Variants in COL26A1 observed in about 807,000 individuals in gnomAD.
COL26A1 encodes collagen alpha-1(XXVI) chain.
Under a neutral mutation model 59.3 loss-of-function variants are expected in COL26A1, and 41 were observed. The ratio of observed to expected loss-of-function variants is 0.69; its 90% CI spans 0.54 to 0.90. COL26A1 has a LOEUF of 0.90. Among genes scored for constraint, COL26A1 ranks in the 40% least tolerant of loss-of-function variants. The pLI is 0.00. For missense variants in COL26A1, 612 were observed against 602.3 expected (o/e 1.02, Z -0.17); for synonymous variants, 266 against 256.0 (o/e 1.04, Z -0.37).
chr7:101,435,030 G>A (rs2130334970), intron 2 of COL26A1, among the ~76,000 whole-genome samples: 1 of 152,272 alleles, frequency 6.6e-6, no homozygotes, highest in East Asian at 1.9e-4. Flanking sequence ...GAGGAGGAAA[G>A]AGCTCTGTTC....
chr7:101,456,246 C>T (rs1793468908), intron 3 of COL26A1, among the ~76,000 whole-genome samples: 1 of 150,454 alleles, frequency 6.6e-6, no homozygotes, highest in Non-Finnish European at 1.5e-5. Flanking sequence ...GGGTTTCATT[C>T]TGTTGCCCAG....
chr7:101,542,769 G>C (rs1338297860), intron 5 of COL26A1, among the ~76,000 whole-genome samples: 1 of 143,668 alleles, frequency 7.0e-6, no homozygotes, highest in Non-Finnish European at 1.5e-5. Flanking sequence ...GGTCTCCTAC[G>C]GGAAGGGGGA....
At chr7:101,525,255 C>G (rs1266715015) in intron 3 of COL26A1, among the ~76,000 whole-genome samples, 1 of 138,006 alleles carries the variant, frequency 7.2e-6, no homozygotes, top group African/African-American at 2.7e-5. Context: ...GATCTCAGCT[C>G]TCTACAACCT....
chr7:101,369,966 G>A (rs1048553875), intron 1 of COL26A1, among the ~76,000 whole-genome samples: 6 of 152,028 alleles, frequency 3.9e-5, no homozygotes, highest in Non-Finnish European at 8.8e-5. Flanking sequence ...AGGTTCAAGC[G>A]ATTCTCCTGC....
chr7:101,443,287 A>G (rs1349247180), intron 2 of COL26A1, among the ~76,000 whole-genome samples: 1 of 152,120 alleles, frequency 6.6e-6, no homozygotes, highest in African/African-American at 2.4e-5. Flanking sequence ...CTCCTGTCCC[A>G]GCTGCACACA....
chr7:101,489,663 TCCTTCCTTCCTTC>T lies in COL26A1; in HGVS notation c.385+41878_385+41890del, dbSNP rs1325906064. 1.3e-3 allele frequency among the ~76,000 whole-genome samples: 68 copies of T among 51,748 alleles called. 12 individuals carry two copies. The highest frequency in any genetic ancestry group is 0.017 in the Middle Eastern group (2 of 116). 33.9% of individuals were successfully genotyped at this position (51,748 alleles called of 152,430 possible). On this transcript the variant is annotated intron_variant, in intron 3 of 12. Transcript: ENST00000313669. ...TTTCTTTCTTTCTTTCTTTCTTTCT[TCCTTCCTTCCTTC>T]CTTCCTTTCTTTCTTTCTTTCTGTC...
At chr7:101,525,171 CTTTTTTTT>C (rs34881584) in intron 3 of COL26A1, among the ~76,000 whole-genome samples, 5 of 73,840 alleles carry the variant, frequency 6.8e-5, no homozygotes, top group Non-Finnish European at 7.2e-5. Flanking sequence ...TGACTTCATT[CTTTTTTTT>C]TTTTTTTTTT....
chr7:101,549,915 C>G (rs1393782216), intron 9 of COL26A1, among the ~76,000 whole-genome samples: 1 of 152,140 alleles, frequency 6.6e-6, no homozygotes, highest in African/African-American at 2.4e-5. Context: ...GGCGGCACCC[C>G]AAGCCTGACT....
At chr7:101,380,202 G>A (rs1791414324) in intron 1 of COL26A1, among the ~76,000 whole-genome samples, 1 of 152,082 alleles carries the variant, frequency 6.6e-6, no homozygotes, top group Admixed American at 6.6e-5. Context: ...ATATTGGCCA[G>A]GCTGGTCTCG....
At chr7:101,428,888 G>C (rs1792709322) in intron 2 of COL26A1, among the ~76,000 whole-genome samples, 1 of 151,348 alleles carries the variant, frequency 6.6e-6, no homozygotes, top group African/African-American at 2.4e-5. Flanking sequence ...TTTTATGTTT[G>C]ATGCAATCTA....
At chr7:101,427,689 A>C (rs1055750661) in intron 2 of COL26A1, among the ~76,000 whole-genome samples, 1 of 150,538 alleles carries the variant, frequency 6.6e-6, no homozygotes, top group Non-Finnish European at 1.5e-5. Context: ...TTTTTGTTTT[A>C]GATATGGGAT....
chr7:101,380,780 A>G (rs902853083), intron 1 of COL26A1, among the ~76,000 whole-genome samples: 1 of 152,156 alleles, frequency 6.6e-6, no homozygotes, highest in Non-Finnish European at 1.5e-5. Context: ...GCCCTTCAGG[A>G]TAATATCAGG....
chr7:101,528,560 C>G (rs1795298248), intron 3 of COL26A1, among the ~76,000 whole-genome samples: 1 of 151,818 alleles, frequency 6.6e-6, no homozygotes, highest in Admixed American at 6.6e-5. Context: ...CCTTCCCCTC[C>G]CCTCTCTGAC....
At chr7:101,476,667 C>T (rs1247402522) in intron 3 of COL26A1, among the ~76,000 whole-genome samples, 1 of 151,666 alleles carries the variant, frequency 6.6e-6, no homozygotes, top group Non-Finnish European at 1.5e-5. Flanking sequence ...CCTGCCTCAG[C>T]CTCCCGAGTA....
In COL26A1 at chr7:101,557,402, C is replaced by A. The variant is rs1255191248; in HGVS notation, c.1198C>A (p.Gln400Lys). ...PLASPEGGSG[Q>K]DAALRANLKM... ...GGCCTCCCCAGAGGGAGGTTCTGGCCAGGATGCTGCCCTGAGAGCCAACCT... is the reference window on the plus strand; with the variant it reads ...GGCCTCCCCAGAGGGAGGTTCTGGCAAGGATGCTGCCCTGAGAGCCAACCT... The change falls in exon 13 of 13, where the codon CAG (glutamine) becomes AAG (lysine). Residue 400 changes from glutamine to lysine, a missense_variant. Gln to Lys is a moderately conservative substitution (Grantham distance 53). Transcript: ENST00000313669. 6.2e-7 allele frequency: 1 copy of A among 1,613,780 alleles called. No individual in the cohort carries two copies. Among genetic ancestry groups the A allele is most frequent in the Non-Finnish European group, 8.5e-7 (1 of 1,179,774 alleles).
intron 1 of COL26A1, among the ~76,000 whole-genome samples, chr7:101,371,654 T>C (rs1584347444): frequency 6.6e-6 from 1 of 151,418 alleles, no homozygotes; most frequent in South Asian, 2.1e-4. Flanking sequence ...TAGTTGGGCA[T>C]GGTGGTGCAC....
intron 3 of COL26A1, among the ~76,000 whole-genome samples, chr7:101,465,416 C>T (rs1280972884): frequency 1.3e-5 from 2 of 152,094 alleles, no homozygotes; most frequent in Non-Finnish European, 2.9e-5. Flanking sequence ...TTCCCTCTCA[C>T]ACTCCAGTGC....
chr7:101,374,909 G>A (rs6952218), intron 1 of COL26A1, among the ~76,000 whole-genome samples: 87,943 of 151,622 alleles, frequency 0.58, 27,071 homozygotes, highest in African/African-American at 0.8. Context: ...AAAATACAAA[G>A]AATTAGCCAG....
At chr7:101,516,699 A>G (rs896624850) in intron 3 of COL26A1, among the ~76,000 whole-genome samples, 1 of 152,186 alleles carries the variant, frequency 6.6e-6, no homozygotes, top group Non-Finnish European at 1.5e-5. Flanking sequence ...TTAAGGGCCA[A>G]ACAACTGAGG....
Sources: allele counts gnomAD v4.1 joint callset (sites outside exome capture counted in the v4.1 genomes callset), GRCh38; gene constraint gnomAD v4.1.1; transcripts MANE v1.5; gene names NCBI Gene and HGNC (gene_info 2026-07-23, HGNC 2026-07-21).